TTC21B: variants seen among roughly 807,000 people sequenced by gnomAD.
The protein encoded by TTC21B is tetratricopeptide repeat protein 21B.
Under a neutral mutation model 175.1 loss-of-function variants are expected in TTC21B, and 127 were observed. The observed-to-expected ratio is 0.73, with a 90% CI of 0.63 to 0.84. The LOEUF (loss-of-function observed/expected upper bound fraction) is 0.84. TTC21B is among the 40% of genes least tolerant of loss of function. The pLI is 0.00. For missense variants in TTC21B, 1,561 were observed against 1,558.3 expected (o/e 1.00, Z -0.03); for synonymous variants, 524 against 524.5 (o/e 1.00, Z 0.01).
Position 165,898,694 on chromosome 2 carries a change from C to A in TTC21B, c.2942G>T (p.Arg981Leu), listed in dbSNP as rs142022626. 2.5e-6 allele frequency: 4 copies of A among 1,608,480 alleles called. No homozygotes were observed. Among genetic ancestry groups the A allele is most frequent in the Non-Finnish European group, 3.4e-6 (4 of 1,174,912 alleles). ...AATAAGTAGGTATTTACCTGGCTTA[C>A]GTTCTAAAAGCTGCTGTAAATGAAA... ...AVFHLQQLLERKPDNYMTLSR... is the reference protein window; with the variant it reads ...AVFHLQQLLELKPDNYMTLSR... Residue 981 changes from arginine (R) to leucine (L), a missense_variant, in exon 22 of 29, where the codon CGT (arginine) becomes CTT (leucine). Coordinates refer to ENST00000243344, the MANE Select transcript of TTC21B (RefSeq NM_024753.5).
chr2:165,901,981 CATA>C (rs1297090185), intron 19 of TTC21B, 71 bp from the exon 20 acceptor site: 18 of 1,257,880 alleles, frequency 1.4e-5, no homozygotes, highest in Non-Finnish European at 2.1e-5. Flanking sequence ...TCACACACAG[CATA>C]ATTTTACAGA....
At chr2:165,936,146 C>T (rs1687131927) in intron 6 of TTC21B, among the ~76,000 whole-genome samples, 1 of 152,006 alleles carries the variant, frequency 6.6e-6, no homozygotes, top group Non-Finnish European at 1.5e-5. Context: ...GTGGAAATCA[C>T]AGAAATAGAC....
chr2:165,947,194 T>TATATATATATATATATATATG (rs1398243099), intron 3 of TTC21B: 1 of 52,232 alleles, frequency 1.9e-5, no homozygotes, highest in Non-Finnish European at 3.2e-5. Flanking sequence ...ATATATATAT[T>TATATATATATATATATATATG]AGTATCTGCT....
intron 12 of TTC21B, among the ~76,000 whole-genome samples, chr2:165,924,195 G>T (rs1686533034): frequency 6.6e-6 from 1 of 152,074 alleles, no homozygotes; most frequent in Non-Finnish European, 1.5e-5. Context: ...TTTCATTAGG[G>T]CCTGAAATCT....
intron 26 of TTC21B, among the ~76,000 whole-genome samples, 195 bp from the exon 27 acceptor site, chr2:165,880,994 T>G (rs574362250): frequency 1.3e-5 from 2 of 152,158 alleles, no homozygotes; most frequent in Non-Finnish European, 2.9e-5. Flanking sequence ...CCATCACATA[T>G]CTGCAGAATC....
rs1197967655 is a variant in TTC21B at position 165,893,629 on chromosome 2, G to C, written c.2951-2641C>G. 2.0e-5 allele frequency among the ~76,000 whole-genome samples: 3 copies of C among 152,084 alleles called. No individual in the cohort carries two copies. In the East Asian group the frequency reaches 5.8e-4, roughly 29 times the overall value. On this transcript the variant is annotated intron_variant, in intron 22 of 28. Coordinates refer to ENST00000243344, the MANE Select transcript of TTC21B (RefSeq NM_024753.5). ...CATCTTTATTGATGAATAGTAGGAA[G>C]ATATCAAAATAGTTATAGGGTGATG...
chr2:165,891,138 AGGCTGTAT>A, intron 22 of TTC21B, 150 bp from the exon 23 acceptor site: 1 of 700,792 alleles, frequency 1.4e-6, no homozygotes, highest in African/African-American at 1.8e-5. Flanking sequence ...TTCCCTATAG[AGGCTGTAT>A]GGCCAACTAG....
In TTC21B at chr2:165,947,169, C is replaced by CATATATATATATATATATATATAT. The variant is rs59806477; in HGVS notation, c.263-1503_263-1480dup. Reference sequence around the variant, plus strand: ...CTCTCTCTCTCTCTCTCCCCTCCCCCATATATATATATATATATATATATT... The same window carrying CATATATATATATATATATATATAT: ...CTCTCTCTCTCTCTCTCCCCTCCCCCATATATATATATATATATATATATATATATATATATATATATATATATT... On this transcript the variant is annotated intron_variant, in intron 3 of 28. Transcript: ENST00000243344. 8.8e-3 allele frequency: 802 copies of CATATATATATATATATATATATAT among 91,474 alleles called. 26 individuals carry two copies. Among genetic ancestry groups the CATATATATATATATATATATATAT allele is most frequent in the East Asian group, 0.026 (54 of 2,098 alleles). The allele number at this position is 91,474 out of a possible 1,614,324, so 5.7% of individuals were successfully genotyped here.
chr2:165,940,098 A>T (rs949247044), intron 6 of TTC21B, among the ~76,000 whole-genome samples: 1 of 152,150 alleles, frequency 6.6e-6, no homozygotes, highest in Admixed American at 6.5e-5. Context: ...CAGGCCAAAA[A>T]CCTTGGAATC....
chr2:165,886,195 A>C (rs1170502562), intron 25 of TTC21B, among the ~76,000 whole-genome samples: 4 of 152,168 alleles, frequency 2.6e-5, no homozygotes, highest in Non-Finnish European at 5.9e-5. Flanking sequence ...TTGGTTCTTC[A>C]ATCATACCTG....
intron 22 of TTC21B, among the ~76,000 whole-genome samples, chr2:165,892,366 C>A (rs1488106799): frequency 6.6e-6 from 1 of 152,058 alleles, no homozygotes; most frequent in Non-Finnish European, 1.5e-5. Context: ...TGAGTATATA[C>A]CCAAAAGATT....
intron 16 of TTC21B, 96 bp from the exon 17 acceptor site, chr2:165,912,720 A>G (rs1685999124): frequency 5.5e-6 from 5 of 909,460 alleles, no homozygotes; most frequent in Middle Eastern, 2.3e-4. Context: ...TACATTTGTA[A>G]TATTACATAA....
In TTC21B at chr2:165,907,208, T is replaced by C. The variant is rs185598244; in HGVS notation, c.2568+470A>G. On this transcript the variant is annotated intron_variant, in intron 19 of 28. Transcript: ENST00000243344. ...TGATCATCTTGATAGATGCAGATAG[T>C]ATATTTGATAATAATTCAAGTCACT... Among the ~76,000 whole-genome samples, 72 of 152,148 alleles carry C rather than the reference T, an allele frequency of 4.7e-4. No individual in the cohort carries two copies. The East Asian group carries it at 9.7e-3, about 20-fold the overall frequency.
intron 18 of TTC21B, among the ~76,000 whole-genome samples, chr2:165,908,067 C>G (rs1685802786): frequency 6.6e-6 from 1 of 152,130 alleles, no homozygotes; most frequent in Admixed American, 6.5e-5. Context: ...ACAATAATTT[C>G]CATTTTTATT....
At chr2:165,880,437 G>A (rs545370592) in intron 27 of TTC21B, among the ~76,000 whole-genome samples, 3 of 152,152 alleles carry the variant, frequency 2.0e-5, no homozygotes, top group Admixed American at 1.3e-4. Flanking sequence ...GGAAGAGAAG[G>A]GGGCAGAATT....
intron 14 of TTC21B, among the ~76,000 whole-genome samples, chr2:165,916,843 A>C (rs914651950): frequency 2.0e-5 from 3 of 152,088 alleles, no homozygotes; most frequent in Admixed American, 6.5e-5. Flanking sequence ...AATTTTTCTA[A>C]AGTTTACCAC....
Position 165,933,053 on chromosome 2 carries a change from G to C in TTC21B, c.715C>G (p.Leu239Val). The C allele has an allele frequency of 1.2e-6, 2 of 1,611,910 alleles. No individual in the cohort carries two copies. The highest frequency in any genetic ancestry group is 1.7e-6 in the Non-Finnish European group (2 of 1,178,966). The change falls in exon 7 of 29, where the codon CTG becomes GTG. Residue 239 changes from leucine to valine, a missense_variant. By Grantham distance (32) the Leu-to-Val change is conservative (BLOSUM62 1). Coordinates refer to ENST00000243344, the MANE Select transcript of TTC21B (RefSeq NM_024753.5). ...DQTVETAQRL[L>V]LQDSQNVEAL... ...TCCACATTTTGGCTATCTTGGAGCAGCAACCTGCAGGAAAACAATTTAGTT... is the reference window on the plus strand; with the variant it reads ...TCCACATTTTGGCTATCTTGGAGCACCAACCTGCAGGAAAACAATTTAGTT...
chr2:165,898,815 C>T (rs751270262), intron 21 of TTC21B, 48 bp from the exon 22 acceptor site: 21 of 1,132,388 alleles, frequency 1.9e-5, no homozygotes, highest in Non-Finnish European at 2.7e-5. Flanking sequence ...GTATTTTACA[C>T]AACATGTTCT....
At chr2:165,928,924 T>C (rs1686778296) in intron 11 of TTC21B, 1 of 546,086 alleles carries the variant, frequency 1.8e-6, no homozygotes, top group Admixed American at 3.2e-5. Flanking sequence ...TTTTATGAAA[T>C]ACAAATGAAT....
Sources: allele counts gnomAD v4.1 joint callset (sites outside exome capture counted in the v4.1 genomes callset), GRCh38; gene constraint gnomAD v4.1.1; transcripts MANE v1.5; gene names NCBI Gene and HGNC (gene_info 2026-07-23, HGNC 2026-07-21).